SYNJ2: variants seen among roughly 807,000 people sequenced by gnomAD.
SYNJ2 encodes polyphosphatidylinositol phosphatase SYNJ2.
SYNJ2 carries 116 observed loss-of-function variants against 141.3 expected under a neutral mutation model. The ratio of observed to expected loss-of-function variants is 0.82; its 90% CI spans 0.71 to 0.96. SYNJ2 has a LOEUF of 0.96. SYNJ2 is among the 40% of genes least tolerant of loss of function. The pLI is 0.00. For synonymous variants in SYNJ2, 745 were observed against 777.7 expected (o/e 0.96, Z 0.70); for missense variants, 1,873 against 1,934.8 (o/e 0.97, Z 0.60).
rs370692122 is a variant in SYNJ2, at chr6:158,086,962, C to T, written c.3316C>T (p.Gln1106Ter). The change falls in exon 23 of 27, where the codon CAA becomes TAA. Residue 1106 changes from glutamine (Q) to a stop codon, truncating the protein, a stop_gained. Coordinates refer to ENST00000355585, the MANE Select transcript of SYNJ2 (RefSeq NM_003898.4). LOFTEE classifies it high-confidence loss of function. ...GGTCCCCAACCGGCCTCGGCCACCT[C>T]AACCCCCGCAGAGACCCCCCCCTCC... ...LSVPNRPRPP[Q>*]PPQRPPPPTG... 6.2e-7 allele frequency: 1 copy of T among 1,601,744 alleles called. No individual in the cohort carries two copies. The highest frequency in any genetic ancestry group is 1.1e-5 in the South Asian group (1 of 91,024).
Position 158,070,346 on chromosome 6 carries a change from G to A in SYNJ2, c.1940+673G>A. 1.0e-6 allele frequency: 1 copy of A among 985,512 alleles called. No homozygotes were observed. The highest frequency in any genetic ancestry group is 4.7e-5 in the South Asian group (1 of 21,278). The allele number at this position is 985,512 out of a possible 1,614,324, so 61.0% of individuals were successfully genotyped here. A position where few individuals can be genotyped will look rare whatever the true frequency, so the allele number is the denominator to read the frequency against. Reference sequence around the variant, plus strand: ...AGCCCCTGGGTCCCGGGAAGGGCCTGTGCCTGCCAAGAGCACCACGGGTAC... The same window carrying A: ...AGCCCCTGGGTCCCGGGAAGGGCCTATGCCTGCCAAGAGCACCACGGGTAC... On this transcript the variant is annotated intron_variant, in intron 14 of 26. Coordinates refer to ENST00000355585, the MANE Select transcript of SYNJ2 (RefSeq NM_003898.4). The surrounding 1 kb of genome is among the most constrained non-coding windows in gnomAD (Gnocchi z 4.0).
At position 158,023,227 on chromosome 6, in the gene SYNJ2, C is replaced by T. The variant is rs1778866957; in HGVS notation, c.215-5529C>T. On this transcript the variant is annotated intron_variant, in intron 2 of 26. Coordinates refer to ENST00000355585, the MANE Select transcript of SYNJ2 (RefSeq NM_003898.4). ...GTACTGAGATCAAGTCACTGCACTC[C>T]AGCCTGGGTGACAGTGCAAGAACCT... Among the ~76,000 whole-genome samples, 4 of 149,740 alleles carry T rather than the reference C, an allele frequency of 2.7e-5. No individual in the cohort carries two copies. The South Asian group carries it at 8.5e-4, about 32-fold the overall frequency.
chr6:158,018,230 T>G (rs892516837), intron 2 of SYNJ2, among the ~76,000 whole-genome samples: 1 of 152,306 alleles, frequency 6.6e-6, no homozygotes, highest in Middle Eastern at 3.4e-3. Context: ...ACAGCCAAAC[T>G]CAGCTGTTCC....
intron 4 of SYNJ2, among the ~76,000 whole-genome samples, chr6:158,034,681 T>C (rs746790284): frequency 4.6e-5 from 7 of 152,240 alleles, no homozygotes; most frequent in Non-Finnish European, 1.0e-4. Context: ...ACTGTGGATA[T>C]CAACGAGGCT....
chr6:158,082,512 A>AT (rs1240477019), intron 20 of SYNJ2, among the ~76,000 whole-genome samples: 3 of 134,976 alleles, frequency 2.2e-5, no homozygotes, highest in African/African-American at 8.5e-5. Context: ...AAAAAAAAAA[A>AT]GTAGCCAGAC....
intron 17 of SYNJ2, 36 bp from the exon 18 acceptor site, chr6:158,078,128 C>A: frequency 7.3e-7 from 1 of 1,373,016 alleles, no homozygotes; most frequent in Non-Finnish European, 1.0e-6. Flanking sequence ...TGACTCGATT[C>A]TATATGGGTC....
Position 158,046,896 on chromosome 6 carries a change from C to CG in SYNJ2, c.795+3497_795+3498insG, listed in dbSNP as rs562009293. Among the ~76,000 whole-genome samples the CG allele has an allele frequency of 6.2e-3, 943 of 150,908 alleles. 9 individuals carry two copies. The highest frequency in any genetic ancestry group is 0.022 in the African/African-American group (891 of 40,338). On this transcript the variant is annotated intron_variant, in intron 5 of 26. Transcript: ENST00000355585. ...CCCTGGTCATTGTAGAAGCTTCCCCCCACCATATGCTGTATAGACACGTGC... is the reference window on the plus strand; with the variant it reads ...CCCTGGTCATTGTAGAAGCTTCCCCCGCACCATATGCTGTATAGACACGTGC...
chr6:158,033,219 C>G (rs1779461505), intron 3 of SYNJ2, among the ~76,000 whole-genome samples: 1 of 152,208 alleles, frequency 6.6e-6, no homozygotes, highest in African/African-American at 2.4e-5. Flanking sequence ...AAAGGACTCC[C>G]TGGCCATCCT....
rs767505170 is a variant in SYNJ2, at chr6:158,066,485, G to A, written c.1567G>A (p.Glu523Lys). 21 of 1,614,028 alleles carry A rather than the reference G, an allele frequency of 1.3e-5. 1 individual carries two copies. The East Asian group carries it at 1.3e-4, about 10-fold the overall frequency. ...GAAAGCTATGACTGAGCGTCAGTCC[G>A]AATTCACAAATTTCAAGCGGATCCG... ...ILKAMTERQSEFTNFKRIRIA... is the reference protein window; with the variant it reads ...ILKAMTERQSKFTNFKRIRIA... Residue 523 changes from glutamate to lysine, a missense_variant, in exon 12 of 27, where the codon GAA becomes AAA. Coordinates refer to ENST00000355585, the MANE Select transcript of SYNJ2 (RefSeq NM_003898.4).
At chr6:158,093,451 A>AC (rs1554258017) in intron 26 of SYNJ2, among the ~76,000 whole-genome samples, 2 of 99,868 alleles carry the variant, frequency 2.0e-5, no homozygotes, top group African/African-American at 8.5e-5. Flanking sequence ...AAAAAAAAAC[A>AC]AAAAAAAAAA....
At chr6:158,058,211 GT>G (rs1780987766) in intron 6 of SYNJ2, among the ~76,000 whole-genome samples, 2 of 152,244 alleles carry the variant, frequency 1.3e-5, no homozygotes, top group South Asian at 2.1e-4. Context: ...GACATCATGT[GT>G]TTTTTTCCAG....
intron 20 of SYNJ2, among the ~76,000 whole-genome samples, chr6:158,082,098 G>A (rs1460925471): frequency 6.6e-6 from 1 of 152,194 alleles, no homozygotes; most frequent in Non-Finnish European, 1.5e-5. Context: ...TGTAATCCCA[G>A]CACTTTGTCA....
intron 1 of SYNJ2, among the ~76,000 whole-genome samples, chr6:157,994,075 A>G (rs1358018520): frequency 6.6e-6 from 1 of 152,048 alleles, no homozygotes; most frequent in Admixed American, 6.6e-5. Context: ...TCGGACTTCA[A>G]AAGTGCTGGG....
At position 158,059,357 on chromosome 6, in the gene SYNJ2, A is replaced by G; in HGVS notation, c.954+4A>G. On this transcript the variant is annotated splice_donor_region_variant and intron_variant, in intron 7 of 26. Coordinates refer to ENST00000355585, the MANE Select transcript of SYNJ2 (RefSeq NM_003898.4). ...GGTGCTCAACAGAGCCTTCAAGGTA[A>G]GGCCAGGCTGTCCTCTCCACAGCTG... The G allele has an allele frequency of 6.5e-7, 1 of 1,549,746 alleles. No individual in the cohort carries two copies. Among genetic ancestry groups the G allele is most frequent in the Non-Finnish European group, 8.7e-7 (1 of 1,146,576 alleles).
chr6:158,098,552 G>C lies in SYNJ2; in HGVS notation c.*2188G>C, dbSNP rs1279720708. The C allele has an allele frequency of 6.6e-6, 1 of 151,322 alleles. No individual in the cohort carries two copies. Among genetic ancestry groups the C allele is most frequent in the East Asian group, 1.9e-4 (1 of 5,170 alleles). 9.4% of individuals were successfully genotyped at this position (151,322 alleles called of 1,614,324 possible). On this transcript the variant is annotated 3_prime_UTR_variant, in exon 27 of 27. Coordinates refer to ENST00000355585, the MANE Select transcript of SYNJ2 (RefSeq NM_003898.4). Reference sequence around the variant, plus strand: ...GAATTCTCTTAAAAAAAAAAAAAAGGACAATTGGAATTGCCTTATTTATTT... The same window carrying C: ...GAATTCTCTTAAAAAAAAAAAAAAGCACAATTGGAATTGCCTTATTTATTT...
chr6:158,061,361 A>T (rs755865936), intron 7 of SYNJ2, among the ~76,000 whole-genome samples: 25 of 152,178 alleles, frequency 1.6e-4, no homozygotes, highest in Non-Finnish European at 3.1e-4. Flanking sequence ...GGGAAGCCTC[A>T]TATGGAAGGG....
intron 1 of SYNJ2, among the ~76,000 whole-genome samples, chr6:157,990,029 C>T (rs746532575): frequency 6.6e-6 from 1 of 152,202 alleles, no homozygotes; most frequent in East Asian, 1.9e-4. Flanking sequence ...CTAGATGCCC[C>T]GGCCAGGTCC....
chr6:158,050,195 C>A (rs970096425), intron 5 of SYNJ2, among the ~76,000 whole-genome samples: 55 of 152,236 alleles, frequency 3.6e-4, no homozygotes, highest in Admixed American at 2.6e-4. Context: ...AAGTCAAAAC[C>A]AGAACCACTC....
At chr6:158,069,758 C>T in intron 14 of SYNJ2, 85 bp downstream of exon 14, 2 of 1,432,944 alleles carry the variant, frequency 1.4e-6, no homozygotes, top group Non-Finnish European at 1.9e-6. Flanking sequence ...CCTCCTCCCC[C>T]ATCCCCTTCT....
Sources: allele counts gnomAD v4.1 joint callset (sites outside exome capture counted in the v4.1 genomes callset), GRCh38; gene constraint gnomAD v4.1.1; non-coding constraint Gnocchi (gnomAD v3.1); transcripts MANE v1.5; gene names NCBI Gene and HGNC (gene_info 2026-07-23, HGNC 2026-07-21).